The following UGT1A4 variants were observed in gnomAD, a reference collection of about 807,000 sequenced individuals.
The protein encoded by UGT1A4 is UDP-glucuronosyltransferase 1A4.
In UGT1A4, 32 loss-of-function variants were observed where a neutral mutation model predicts 41.1. The ratio of observed to expected loss-of-function variants is 0.78; its 90% CI spans 0.59 to 1.05. UGT1A4 has a LOEUF of 1.05. UGT1A4 is among the 50% of genes least tolerant of loss of function. The pLI is 0.00. For missense variants in UGT1A4, 748 were observed against 677.4 expected, an observed-to-expected ratio of 1.10 and a Z score of -1.16; for synonymous variants, 283 against 265.1, an observed-to-expected ratio of 1.07 and a Z score of -0.66.
At chr2:233,732,739 T>C (rs2078307146) in intron 1 of UGT1A4, among the ~76,000 whole-genome samples, 1 of 151,466 alleles carries the variant, frequency 6.6e-6, no homozygotes, top group Non-Finnish European at 1.5e-5. Flanking sequence ...TCAGGTAGCA[T>C]GATGCCACCA....
At chr2:233,741,466 G>C (rs577572519) in intron 1 of UGT1A4, 1 of 149,788 alleles carries the variant, frequency 6.7e-6, no homozygotes, top group Non-Finnish European at 1.5e-5. Flanking sequence ...CTTCACACAT[G>C]TAAGTTCCCT....
chr2:233,724,847 C>T (rs1352664169), intron 1 of UGT1A4, among the ~76,000 whole-genome samples: 1 of 131,490 alleles, frequency 7.6e-6, no homozygotes, highest in Non-Finnish European at 1.6e-5. Flanking sequence ...CCAAGGCAGG[C>T]GGCTGGGAGG....
Position 233,737,292 on chromosome 2 carries a change from G to A in UGT1A4, c.867+17605G>A, listed in dbSNP as rs573133918. On this transcript the variant is annotated intron_variant, in intron 1 of 4. Transcript: ENST00000373409. ...ACACCCCTCACCCAGCCAGGCTGCC[G>A]CCTCACAGTTCAATCTCAGACTGCT... Among the ~76,000 whole-genome samples, 15 of 152,312 alleles carry A rather than the reference G, an allele frequency of 9.8e-5. No homozygotes were observed. The East Asian group carries it at 1.7e-3, about 18-fold the overall frequency.
At chr2:233,731,342 T>C (rs749214489) in intron 1 of UGT1A4, among the ~76,000 whole-genome samples, 10 of 152,040 alleles carry the variant, frequency 6.6e-5, no homozygotes, top group Non-Finnish European at 1.2e-4. Context: ...AATTGCAGGT[T>C]TGATACATAG....
chr2:233,758,146 A>G (rs1260919985), intron 1 of UGT1A4, among the ~76,000 whole-genome samples: 1 of 152,228 alleles, frequency 6.6e-6, no homozygotes, highest in Non-Finnish European at 1.5e-5. Flanking sequence ...TGAGGGAATT[A>G]GCAATGGGTT....
chr2:233,720,322 A>G (rs1355455978), intron 1 of UGT1A4, among the ~76,000 whole-genome samples: 2 of 152,124 alleles, frequency 1.3e-5, no homozygotes, highest in African/African-American at 4.8e-5. Context: ...ATGTGGGGAC[A>G]TCGTAGAGTT....
intron 1 of UGT1A4, chr2:233,750,587 G>A (rs1381403597): frequency 6.6e-6 from 1 of 151,948 alleles, no homozygotes; most frequent in East Asian, 1.9e-4. Flanking sequence ...AGGCCTGGAG[G>A]CCTAGGAAGG....
chr2:233,724,273 T>C (rs1575551311), intron 1 of UGT1A4, among the ~76,000 whole-genome samples: 1 of 120,344 alleles, frequency 8.3e-6, no homozygotes, highest in African/African-American at 3.2e-5. Context: ...ACGGGGCGGC[T>C]GGCCGGGCGG....
chr2:233,743,604 C>T (rs780370004), intron 1 of UGT1A4: 10 of 1,367,184 alleles, frequency 7.3e-6, no homozygotes, highest in Middle Eastern at 2.1e-4. Flanking sequence ...TCCTGGCCGC[C>T]GAAGAACTCC....
chr2:233,738,483 T>C (rs1690800032), intron 1 of UGT1A4, among the ~76,000 whole-genome samples: 1 of 152,200 alleles, frequency 6.6e-6, no homozygotes, highest in African/African-American at 2.4e-5. Flanking sequence ...CCTGGAGACT[T>C]GTTGAACGGT....
intron 1 of UGT1A4, among the ~76,000 whole-genome samples, chr2:233,751,775 T>C (rs1694807699): frequency 1.3e-5 from 2 of 152,228 alleles, no homozygotes; most frequent in Non-Finnish European, 2.9e-5. Context: ...ATGACTTTGC[T>C]TATCTCTCAC....
Position 233,740,237 on chromosome 2 carries a change from A to G in UGT1A4, c.867+20550A>G, listed in dbSNP as rs6746419. ...TCAGCTGCGTCTTTATAGCAGGCTG[A>G]GAATAGACTAATACAAGATTGGTGG... On this transcript the variant is annotated intron_variant, in intron 1 of 4. Transcript: ENST00000373409. 5.0e-3 allele frequency among the ~76,000 whole-genome samples: 755 copies of G among 151,996 alleles called. 33 individuals carry two copies. Among genetic ancestry groups the G allele is most frequent in the African/African-American group, 0.017 (720 of 41,218 alleles).
chr2:233,747,892 T>C, intron 1 of UGT1A4: 9 of 1,613,604 alleles, frequency 5.6e-6, no homozygotes, highest in Non-Finnish European at 6.8e-6. Flanking sequence ...TGCCATGCTC[T>C]TTCTGCTCCT....
intron 1 of UGT1A4, among the ~76,000 whole-genome samples, chr2:233,732,619 T>A (rs2078290035): frequency 6.6e-6 from 1 of 152,210 alleles, no homozygotes; most frequent in African/African-American, 2.4e-5. Flanking sequence ...TGGTTGTAGA[T>A]GTGTGGTGTT....
chr2:233,755,098 C>G (rs1292458921), intron 1 of UGT1A4: 1 of 1,334,792 alleles, frequency 7.5e-7, no homozygotes, highest in Non-Finnish European at 1.0e-6. Flanking sequence ...TTCTACGCGT[C>G]CGACAACACC....
chr2:233,769,840 A>G lies in UGT1A4; in HGVS notation c.1307+1401A>G, dbSNP rs1259397954. 2 of 589,486 alleles carry G rather than the reference A, an allele frequency of 3.4e-6. No homozygotes were observed. The highest frequency in any genetic ancestry group is 5.2e-6 in the Non-Finnish European group (2 of 381,342). The allele number at this position is 589,486 out of a possible 1,614,324, so 36.5% of individuals were successfully genotyped here. On this transcript the variant is annotated intron_variant, in intron 4 of 4. Transcript: ENST00000373409. This position sits in a 1 kb window ranked among gnomAD's most constrained non-coding sequence, Gnocchi z 4.4. ...ACTGCACTCCAGCAACCTGGGCAAC[A>G]GAGTGAGACCCTGTCTCAAAAAAAA...
intron 1 of UGT1A4, chr2:233,722,007 A>C: frequency 7.7e-6 from 2 of 258,328 alleles, no homozygotes; most frequent in Non-Finnish European, 1.5e-5. Context: ...TTAAGTGAAC[A>C]GGAAAACTGA....
At chr2:233,728,943 T>A (rs1281650541) in intron 1 of UGT1A4, among the ~76,000 whole-genome samples, 3 of 148,150 alleles carry the variant, frequency 2.0e-5, no homozygotes, top group Admixed American at 2.0e-4. Flanking sequence ...TTTTCCAGGG[T>A]GGGGCCCACA....
chr2:233,736,579 A>C (rs2078778332), intron 1 of UGT1A4, among the ~76,000 whole-genome samples: 2 of 152,120 alleles, frequency 1.3e-5, no homozygotes. Flanking sequence ...GATCCTTTGG[A>C]GGAGATGTGC....
Sources: gnomAD v4.1 joint callset for allele counts (sites outside exome capture counted in the v4.1 genomes callset) on GRCh38, gnomAD v4.1.1 for gene constraint, Gnocchi (gnomAD v3.1) non-coding constraint, MANE v1.5 for transcripts, NCBI Gene and HGNC (gene_info 2026-07-23, HGNC 2026-07-21) for gene names.